EFTUD2: variants seen among roughly 807,000 people sequenced by gnomAD.
EFTUD2 encodes the protein 116 kDa U5 small nuclear ribonucleoprotein component.
In EFTUD2, 9 loss-of-function variants were observed where a neutral mutation model predicts 114.3. That is an observed-to-expected ratio of 0.08 (90% CI 0.05 to 0.14). The LOEUF (loss-of-function observed/expected upper bound fraction) is 0.14, where lower values mean the gene tolerates loss of function less well. Among genes scored for constraint, EFTUD2 ranks in the 10% least tolerant of loss-of-function variants. EFTUD2 has a pLI of 1.00. For synonymous variants in EFTUD2, 449 were observed against 462.3 expected (o/e 0.97, Z 0.37); for missense variants, 765 against 1,241.2 (o/e 0.62, Z 5.76).
chr17:44,871,236 G>A (rs551362355), intron 11 of EFTUD2, among the ~76,000 whole-genome samples: 2 of 152,058 alleles, frequency 1.3e-5, no homozygotes, highest in African/African-American at 4.8e-5. Context: ...TGTTGCCCAG[G>A]CTGGTCTCAA....
At chr17:44,897,691 A>G (rs1228225922) in intron 1 of EFTUD2, among the ~76,000 whole-genome samples, 4 of 152,012 alleles carry the variant, frequency 2.6e-5, no homozygotes, top group African/African-American at 7.2e-5. Context: ...CAACCTCCCA[A>G]GTAGCTGGGA....
chr17:44,890,250 C>T (rs1459984671), intron 2 of EFTUD2, among the ~76,000 whole-genome samples: 1 of 151,686 alleles, frequency 6.6e-6, no homozygotes, highest in Non-Finnish European at 1.5e-5. Context: ...GAACTCTTGA[C>T]CTCAGGTCAT....
At chr17:44,867,700 G>A (rs142238302) in intron 13 of EFTUD2, 107 bp downstream of exon 13, 2 of 943,080 alleles carry the variant, frequency 2.1e-6, no homozygotes, top group Non-Finnish European at 1.5e-6. Context: ...CCTTATACTT[G>A]ACATAAAACT....
At position 44,854,085 on chromosome 17, in the gene EFTUD2, T is replaced by C; in HGVS notation, c.2347+184A>G. ...AGTTTAGAAATGACTTAAATTTCCA[T>C]TTCCAGGCTACACCACCAGGATAAG... On this transcript the variant is annotated intron_variant, in intron 23 of 27. Transcript: ENST00000426333. The surrounding 1 kb of genome is among the most constrained non-coding windows in gnomAD (Gnocchi z 4.3). 1 of 1,421,340 alleles carries C rather than the reference T, an allele frequency of 7.0e-7. No individual in the cohort carries two copies. Among genetic ancestry groups the C allele is most frequent in the Non-Finnish European group, 9.2e-7 (1 of 1,091,536 alleles). 88.0% of individuals were successfully genotyped at this position (1,421,340 alleles called of 1,614,324 possible).
intron 13 of EFTUD2, among the ~76,000 whole-genome samples, chr17:44,866,761 GACAA>G (rs1249379296): frequency 2.0e-5 from 3 of 152,136 alleles, no homozygotes; most frequent in Non-Finnish European, 4.4e-5. Context: ...GAGCATAACT[GACAA>G]ACATTTAACT....
At chr17:44,882,909 T>C (rs1268485507) in intron 6 of EFTUD2, among the ~76,000 whole-genome samples, 184 bp downstream of exon 6, 1 of 152,208 alleles carries the variant, frequency 6.6e-6, no homozygotes, top group Non-Finnish European at 1.5e-5. Flanking sequence ...CTCAATATTC[T>C]CTATGCTCCC....
chr17:44,887,328 G>C (rs1313202998), intron 2 of EFTUD2, among the ~76,000 whole-genome samples: 1 of 152,096 alleles, frequency 6.6e-6, no homozygotes, highest in Non-Finnish European at 1.5e-5. Flanking sequence ...ATATACCCAA[G>C]ACAAATGAAA....
chr17:44,861,481 C>T (rs2050659196), intron 16 of EFTUD2, among the ~76,000 whole-genome samples: 1 of 151,074 alleles, frequency 6.6e-6, no homozygotes, highest in Admixed American at 6.6e-5. Context: ...CACCTATAAT[C>T]CCAGCACTTT....
At chr17:44,859,631 A>C in intron 18 of EFTUD2, 1 of 554,612 alleles carries the variant, frequency 1.8e-6, no homozygotes, top group South Asian at 2.3e-5. Context: ...CATCTGCGGA[A>C]CACAAATACG....
chr17:44,857,332 C>A, intron 19 of EFTUD2, 175 bp from the exon 20 acceptor site: 2 of 536,602 alleles, frequency 3.7e-6, no homozygotes, highest in Non-Finnish European at 3.4e-6. Context: ...CAAATCATCA[C>A]CAAAAAGCCC....
chr17:44,853,574 C>G lies in EFTUD2; in HGVS notation c.2409G>C (p.Arg803=). The stretch of plus-strand genomic sequence containing the variant: ...CTGTGGGGATGATCTGGCCCCCGCC[C>G]CGGTGCAGGGGCTCCTGGGCAACCA... The part of the protein sequence containing the change: ...DAVVAQEPLH[R]GGGQIIPTAR... The change falls in exon 24 of 28, where the codon CGG becomes CGC. Residue 803 remains arginine, a synonymous_variant. Transcript: ENST00000426333. The G allele has an allele frequency of 1.2e-6, 2 of 1,614,188 alleles. No homozygotes were observed. The highest frequency in any genetic ancestry group is 1.7e-6 in the Non-Finnish European group (2 of 1,180,028).
intron 8 of EFTUD2, 105 bp from the exon 9 acceptor site, chr17:44,879,743 A>C: frequency 9.2e-7 from 1 of 1,091,208 alleles, no homozygotes; most frequent in Non-Finnish European, 1.4e-6. Flanking sequence ...ACCTCCGAAT[A>C]TCCCCTTTCC....
chr17:44,871,049 T>C (rs904039921), intron 11 of EFTUD2, among the ~76,000 whole-genome samples: 1 of 152,096 alleles, frequency 6.6e-6, no homozygotes, highest in African/African-American at 2.4e-5. Context: ...AAATTTTTCT[T>C]GTTTTTTGAG....
intron 11 of EFTUD2, 91 bp downstream of exon 11, chr17:44,872,355 C>T: frequency 6.5e-7 from 1 of 1,550,054 alleles, no homozygotes; most frequent in Non-Finnish European, 8.8e-7. Context: ...CAGCAGGGTG[C>T]TGATACGAAG....
intron 17 of EFTUD2, 100 bp downstream of exon 17, chr17:44,860,332 G>A: frequency 4.4e-6 from 4 of 901,070 alleles, no homozygotes; most frequent in Admixed American, 1.9e-5. Flanking sequence ...CCTGAAACCA[G>A]GACATGGCAA....
intron 1 of EFTUD2, 63 bp from the exon 2 acceptor site, chr17:44,894,588 T>A: frequency 1.6e-6 from 2 of 1,229,362 alleles, no homozygotes; most frequent in Non-Finnish European, 1.2e-6. Context: ...ATGTGGTGGC[T>A]CCACCTGTCT....
intron 13 of EFTUD2, among the ~76,000 whole-genome samples, chr17:44,867,583 A>C (rs1567738893): frequency 6.6e-6 from 1 of 151,816 alleles, no homozygotes; most frequent in Non-Finnish European, 1.5e-5. Flanking sequence ...TACAGGCATG[A>C]GCCACCATGC....
chr17:44,868,704 T>C (rs2050795231), intron 11 of EFTUD2, among the ~76,000 whole-genome samples: 1 of 152,200 alleles, frequency 6.6e-6, no homozygotes, highest in Non-Finnish European at 1.5e-5. Context: ...CTGTCCCTTC[T>C]GGAAGGGGAA....
chr17:44,885,121 C>A, intron 4 of EFTUD2, 135 bp downstream of exon 4: 1 of 687,202 alleles, frequency 1.5e-6, no homozygotes, highest in Admixed American at 2.4e-5. Flanking sequence ...AGCAGCCACA[C>A]AAGCTGAAGG....
Sources: allele counts gnomAD v4.1 joint callset (sites outside exome capture counted in the v4.1 genomes callset), GRCh38; gene constraint gnomAD v4.1.1; non-coding constraint Gnocchi (gnomAD v3.1); transcripts MANE v1.5; gene names NCBI Gene and HGNC (gene_info 2026-07-23, HGNC 2026-07-21).